Variants in KLF12 observed in about 807,000 individuals in gnomAD.
The protein encoded by KLF12 is KLF transcription factor 12.
Under a neutral mutation model 37.8 loss-of-function variants are expected in KLF12, and 9 were observed. That is an observed-to-expected ratio of 0.24 (90% confidence interval 0.14 to 0.42). The LOEUF is 0.42. KLF12 is among the 10% of genes least tolerant of loss of function. The pLI, the probability that KLF12 is intolerant of heterozygous loss-of-function variation, is 1.00. For missense variants in KLF12, 411 were observed against 516.0 expected (o/e 0.80, Z 1.97); for synonymous variants, 208 against 202.1 (o/e 1.03, Z -0.25).
At chr13:73,994,192 G>A (rs1298042600) in intron 2 of KLF12, among the ~76,000 whole-genome samples, 1 of 152,182 alleles carries the variant, frequency 6.6e-6, no homozygotes, top group African/African-American at 2.4e-5. Flanking sequence ...ATAGCAAGTT[G>A]TGCATTGATT....
intron 6 of KLF12, among the ~76,000 whole-genome samples, chr13:73,718,182 T>C (rs1244200652): frequency 6.6e-6 from 1 of 152,178 alleles, no homozygotes; most frequent in Non-Finnish European, 1.5e-5. Context: ...ATTTTAGCTA[T>C]TTATCTTGCT....
At chr13:74,116,367 A>C (rs1239656725) in intron 1 of KLF12, among the ~76,000 whole-genome samples, 1 of 152,222 alleles carries the variant, frequency 6.6e-6, no homozygotes, top group African/African-American at 2.4e-5. Flanking sequence ...GTGAAGTTTC[A>C]ATTTCTTTAA....
At chr13:73,837,632 T>C (rs902383078) in intron 4 of KLF12, among the ~76,000 whole-genome samples, 4 of 152,094 alleles carry the variant, frequency 2.6e-5, no homozygotes, top group Non-Finnish European at 5.9e-5. Context: ...GCCATAAGAG[T>C]GAAACACTCA....
intron 1 of KLF12, among the ~76,000 whole-genome samples, chr13:74,108,756 A>G (rs975856087): frequency 1.3e-5 from 2 of 152,222 alleles, no homozygotes; most frequent in Non-Finnish European, 2.9e-5. Context: ...ACTATTGATT[A>G]AGTGGAAGTG....
intron 1 of KLF12, among the ~76,000 whole-genome samples, chr13:74,018,108 A>C (rs949610993): frequency 2.6e-5 from 4 of 152,122 alleles, no homozygotes; most frequent in Non-Finnish European, 5.9e-5. Context: ...TACTTAAAAA[A>C]ATATACACAC....
the KLF12 span, among the ~76,000 whole-genome samples, chr13:74,213,862 C>T: frequency 6.6e-6 from 1 of 152,058 alleles, no homozygotes; most frequent in African/African-American, 2.4e-5. Flanking sequence ...TTTTCTAATG[C>T]TGTTTTTTAA....
At chr13:73,989,470 T>C (rs1891908218) in intron 2 of KLF12, among the ~76,000 whole-genome samples, 1 of 152,178 alleles carries the variant, frequency 6.6e-6, no homozygotes, top group South Asian at 2.1e-4. Flanking sequence ...GGCACTGCCT[T>C]TTGTGGAGCC....
At chr13:73,718,530 G>A (rs1869919878) in intron 6 of KLF12, among the ~76,000 whole-genome samples, 1 of 152,320 alleles carries the variant, frequency 6.6e-6, no homozygotes, top group Non-Finnish European at 1.5e-5. Context: ...GCTGACACAG[G>A]TGGATCGCTT....
At chr13:74,136,166 C>G (rs1343001240), upstream of KLF12, among the ~76,000 whole-genome samples, 1 of 152,042 alleles carries the variant, frequency 6.6e-6, no homozygotes, top group African/African-American at 2.4e-5. Context: ...GTGAAGTAGC[C>G]TCAGCGGCGG....
intron 3 of KLF12, among the ~76,000 whole-genome samples, chr13:73,865,244 G>T (rs1333377628): frequency 6.6e-6 from 1 of 151,844 alleles, no homozygotes; most frequent in Non-Finnish European, 1.5e-5. Context: ...ACATTAAACT[G>T]CAAATCTTTT....
chr13:74,275,514 G>A, the KLF12 span, among the ~76,000 whole-genome samples: 2 of 152,158 alleles, frequency 1.3e-5, no homozygotes, highest in Non-Finnish European at 2.9e-5. Context: ...CTTATGTAGA[G>A]TTAATATATG....
chr13:73,889,810 T>G (rs1887416104), intron 3 of KLF12, among the ~76,000 whole-genome samples: 1 of 152,110 alleles, frequency 6.6e-6, no homozygotes, highest in Non-Finnish European at 1.5e-5. Flanking sequence ...AAATGCCATT[T>G]GTTTAGAATA....
intron 1 of KLF12, among the ~76,000 whole-genome samples, chr13:74,088,906 T>C (rs1875481531): frequency 6.6e-6 from 1 of 152,196 alleles, no homozygotes; most frequent in Non-Finnish European, 1.5e-5. Context: ...TAACAGGATG[T>C]TTCAAGACAA....
chr13:74,247,679 G>A, the KLF12 span, among the ~76,000 whole-genome samples: 83 of 151,624 alleles, frequency 5.5e-4, 2 homozygotes, highest in Admixed American at 5.0e-3. Context: ...ACTATTTTGC[G>A]CGGACTGGTC....
chr13:74,279,161 C>T, the KLF12 span, among the ~76,000 whole-genome samples: 3 of 152,048 alleles, frequency 2.0e-5, no homozygotes, highest in Admixed American at 1.3e-4. Context: ...TGCTTAAAAT[C>T]CCCTGGGGGA....
At chr13:74,270,801 T>A in the KLF12 span, among the ~76,000 whole-genome samples, 2 of 152,294 alleles carry the variant, frequency 1.3e-5, no homozygotes, top group East Asian at 3.9e-4. Flanking sequence ...TGTCATGGAC[T>A]ATGCACTTAA....
At chr13:73,807,641 A>G (rs1437009419) in intron 5 of KLF12, among the ~76,000 whole-genome samples, 2 of 152,206 alleles carry the variant, frequency 1.3e-5, no homozygotes, top group Non-Finnish European at 2.9e-5. Flanking sequence ...TACTAACACT[A>G]TCAACTGAGC....
At chr13:74,033,960 A>G (rs1371190200) in intron 1 of KLF12, among the ~76,000 whole-genome samples, 1 of 152,094 alleles carries the variant, frequency 6.6e-6, no homozygotes, top group Non-Finnish European at 1.5e-5. Flanking sequence ...AAGCCAAAAA[A>G]AAAAAAAGGC....
intron 1 of KLF12, among the ~76,000 whole-genome samples, chr13:73,997,283 G>A (rs1027845182): frequency 1.3e-5 from 2 of 152,004 alleles, no homozygotes; most frequent in South Asian, 2.1e-4. Context: ...TAAGCAACTC[G>A]TTCAACCTCT....
Sources: allele counts gnomAD v4.1 joint callset (sites outside exome capture counted in the v4.1 genomes callset), GRCh38; gene constraint gnomAD v4.1.1; transcripts MANE v1.5; gene names NCBI Gene and HGNC (gene_info 2026-07-23, HGNC 2026-07-21).